IRAK3: variants seen among roughly 807,000 people sequenced by gnomAD.
The protein encoded by IRAK3 is interleukin-1 receptor-associated kinase 3.
IRAK3 carries 57 observed loss-of-function variants against 56.6 expected under a neutral mutation model. The observed-to-expected ratio is 1.01, with a 90% CI of 0.81 to 1.26. The LOEUF (loss-of-function observed/expected upper bound fraction) is 1.26, where lower values mean the gene tolerates loss of function less well. Ranked by LOEUF, IRAK3 falls within the 50% of genes most tolerant of loss-of-function variation. IRAK3 has a pLI of 0.00. For missense variants in IRAK3, 703 were observed against 719.0 expected, an observed-to-expected ratio of 0.98 and a Z score of 0.25; for synonymous variants, 258 against 255.7, an observed-to-expected ratio of 1.01 and a Z score of -0.09.
intron 5 of IRAK3, among the ~76,000 whole-genome samples, chr12:66,215,464 G>A (rs2052660044): frequency 1.3e-5 from 2 of 152,120 alleles, no homozygotes; most frequent in Non-Finnish European, 1.5e-5. Flanking sequence ...AAAGCATTAC[G>A]TTATTCACCC....
In IRAK3 at chr12:66,250,591, C is replaced by A. The variant is rs983745975; in HGVS notation, c.*2420C>A. 1.3e-5 allele frequency: 2 copies of A among 152,224 alleles called. No individual in the cohort carries two copies. The highest frequency in any genetic ancestry group is 4.8e-5 in the African/African-American group (2 of 41,436). The allele number at this position is 152,224 out of a possible 1,614,324, so 9.4% of individuals were successfully genotyped here. Reference sequence around the variant, plus strand: ...GAGCTCTCTGATTCACAAAAGAGATCATCAAGAATTGACTCTGTGTTAAAC... The same window carrying A: ...GAGCTCTCTGATTCACAAAAGAGATAATCAAGAATTGACTCTGTGTTAAAC... On this transcript the variant is annotated 3_prime_UTR_variant, in exon 12 of 12. Coordinates refer to ENST00000261233, the MANE Select transcript of IRAK3 (RefSeq NM_007199.3).
intron 8 of IRAK3, among the ~76,000 whole-genome samples, chr12:66,238,976 A>G (rs1400132027): frequency 2.0e-5 from 3 of 152,230 alleles, no homozygotes; most frequent in Non-Finnish European, 4.4e-5. Context: ...TTTGACTTAC[A>G]GGATCACTTA....
chr12:66,226,891 G>A, intron 7 of IRAK3, 54 bp downstream of exon 7: 3 of 1,104,334 alleles, frequency 2.7e-6, no homozygotes, highest in Non-Finnish European at 4.2e-6. Flanking sequence ...ATCCCTGGGA[G>A]AGCTGCTGAA....
chr12:66,222,100 G>T (rs751884808), intron 6 of IRAK3, among the ~76,000 whole-genome samples: 1 of 152,142 alleles, frequency 6.6e-6, no homozygotes, highest in Non-Finnish European at 1.5e-5. Flanking sequence ...GAGGATTTTT[G>T]TATCTATGGC....
chr12:66,192,440 A>C (rs2052408229), intron 1 of IRAK3, among the ~76,000 whole-genome samples: 1 of 152,186 alleles, frequency 6.6e-6, no homozygotes, highest in African/African-American at 2.4e-5. Context: ...TACATACAGA[A>C]CCTCTGGAGA....
intron 3 of IRAK3, among the ~76,000 whole-genome samples, 195 bp from the exon 4 acceptor site, chr12:66,209,952 G>A (rs1303858631): frequency 1.3e-5 from 2 of 152,114 alleles, no homozygotes; most frequent in South Asian, 2.1e-4. Flanking sequence ...TTTACTGTTG[G>A]TGTGAAAGCC....
rs1302179425 is a variant in IRAK3, at chr12:66,251,446, G to A, written c.*3275G>A. 2 of 152,318 alleles carry A rather than the reference G, an allele frequency of 1.3e-5. No homozygotes were observed. Among genetic ancestry groups the A allele is most frequent in the South Asian group, 4.1e-4 (2 of 4,822 alleles). 9.4% of individuals were successfully genotyped at this position (152,318 alleles called of 1,614,324 possible). A position where few individuals can be genotyped will look rare whatever the true frequency, so the allele number is the denominator to read the frequency against. On this transcript the variant is annotated 3_prime_UTR_variant, in exon 12 of 12. Transcript: ENST00000261233. ...GGTGTTCCCTCTGATCAGCAAACAT[G>A]AATTCATAATTTCATTTACTCTCAT...
rs552740999 is a variant in IRAK3 at position 66,190,928 on chromosome 12, C to G, written c.133+1496C>G. Among the ~76,000 whole-genome samples the G allele has an allele frequency of 3.3e-5, 5 of 152,348 alleles. No homozygotes were observed. In the South Asian group the frequency reaches 1.0e-3, roughly 32 times the overall value. On this transcript the variant is annotated intron_variant, in intron 1 of 11. Transcript: ENST00000261233. ...TCTAACAGCCTCCCTAAAGTACAGA[C>G]ATTTCTGGCATCAAAGAACAATTCA...
At chr12:66,208,316 G>A (rs2052576532) in intron 2 of IRAK3, among the ~76,000 whole-genome samples, 1 of 143,190 alleles carries the variant, frequency 7.0e-6, no homozygotes, top group African/African-American at 2.9e-5. Context: ...GTAAGTATTT[G>A]TCATTGATAC....
chr12:66,196,612 C>T (rs922978618), intron 1 of IRAK3, among the ~76,000 whole-genome samples: 1 of 152,084 alleles, frequency 6.6e-6, no homozygotes, highest in Non-Finnish European at 1.5e-5. Context: ...CACAGCCCTC[C>T]GCAGTTATGA....
rs558810714 is a variant in IRAK3, at chr12:66,222,394, G to T, written c.654-4329G>T. 1.4e-4 allele frequency among the ~76,000 whole-genome samples: 21 copies of T among 152,062 alleles called. No individual in the cohort carries two copies. In the South Asian group the frequency reaches 4.2e-3, roughly 30 times the overall value. ...AGGTTTTCTATTTCTTCATGATTCA[G>T]TCTTGGTGGATTGTATGTTTCTAGG... is the stretch of plus-strand genomic sequence containing the variant. On this transcript the variant is annotated intron_variant, in intron 6 of 11. Coordinates refer to ENST00000261233, the MANE Select transcript of IRAK3 (RefSeq NM_007199.3).
At chr12:66,226,641 C>A in intron 6 of IRAK3, 82 bp from the exon 7 acceptor site, 1 of 815,334 alleles carries the variant, frequency 1.2e-6, no homozygotes, top group Non-Finnish European at 2.2e-6. Context: ...CCCATCCCAC[C>A]TTACTACCCC....
intron 8 of IRAK3, among the ~76,000 whole-genome samples, chr12:66,231,757 A>C (rs576715279): frequency 9.5e-4 from 144 of 152,360 alleles, no homozygotes; most frequent in African/African-American, 3.1e-3. Context: ...TGGTTGGAAA[A>C]GAAAGGACAA....
chr12:66,239,087 T>G (rs1393807965), intron 8 of IRAK3, among the ~76,000 whole-genome samples: 1 of 152,218 alleles, frequency 6.6e-6, no homozygotes, highest in Non-Finnish European at 1.5e-5. Context: ...GGAAATGCAT[T>G]TTATCCTTAG....
intron 1 of IRAK3, among the ~76,000 whole-genome samples, chr12:66,200,451 C>T (rs2052495948): frequency 6.6e-6 from 1 of 152,144 alleles, no homozygotes; most frequent in South Asian, 2.1e-4. Context: ...GACACAGAGG[C>T]ATGCCTAACC....
intron 1 of IRAK3, among the ~76,000 whole-genome samples, chr12:66,202,155 A>G (rs1336823467): frequency 6.6e-6 from 1 of 152,226 alleles, no homozygotes; most frequent in South Asian, 2.1e-4. Flanking sequence ...GTGATGTTGG[A>G]TTAGAATCAG....
At position 66,203,903 on chromosome 12, in the gene IRAK3, G is replaced by T; in HGVS notation, c.316+10G>T. On this transcript the variant is annotated intron_variant, in intron 2 of 11. Coordinates refer to ENST00000261233, the MANE Select transcript of IRAK3 (RefSeq NM_007199.3). ...TTAATTACAAACTATGGTAAATGCT[G>T]ATTCTTATAATGTGGCTCTTAATCT... is the stretch of plus-strand genomic sequence containing the variant. 6.2e-7 allele frequency: 1 copy of T among 1,607,126 alleles called. No individual in the cohort carries two copies. The highest frequency in any genetic ancestry group is 2.2e-5 in the East Asian group (1 of 44,838).
At chr12:66,211,778 G>A (rs970663317) in intron 5 of IRAK3, among the ~76,000 whole-genome samples, 181 bp downstream of exon 5, 2 of 152,146 alleles carry the variant, frequency 1.3e-5, no homozygotes, top group African/African-American at 4.8e-5. Flanking sequence ...CAAGAATGAG[G>A]AAGTTAAATG....
At chr12:66,225,458 G>A (rs1376134584) in intron 6 of IRAK3, among the ~76,000 whole-genome samples, 5 of 151,526 alleles carry the variant, frequency 3.3e-5, no homozygotes, top group South Asian at 2.1e-4. Context: ...CCCCCGCCAC[G>A]TACACACAAT....
Sources: gnomAD v4.1 joint callset for allele counts (sites outside exome capture counted in the v4.1 genomes callset) on GRCh38, gnomAD v4.1.1 for gene constraint, MANE v1.5 for transcripts, NCBI Gene and HGNC (gene_info 2026-07-23, HGNC 2026-07-21) for gene names.